The following TMEM178B variants were observed in gnomAD, a reference collection of about 807,000 sequenced individuals.
The protein encoded by TMEM178B is transmembrane protein 178B.
A neutral mutation model predicts 31.0 loss-of-function variants in TMEM178B; 5 were observed. That is an observed-to-expected ratio of 0.16 (90% confidence interval 0.08 to 0.34). TMEM178B has a LOEUF of 0.34. Ranked by LOEUF, TMEM178B falls within the 10% of genes least tolerant of loss-of-function variation. The pLI is 1.00. For synonymous variants in TMEM178B, 164 were observed against 164.0 expected (o/e 1.00, Z 0.00); for missense variants, 275 against 400.3 (o/e 0.69, Z 2.67).
At chr7:141,384,062 GTTGT>G (rs1304583225) in intron 2 of TMEM178B, among the ~76,000 whole-genome samples, 21 of 152,266 alleles carry the variant, frequency 1.4e-4, no homozygotes, top group African/African-American at 4.3e-4. Flanking sequence ...TTTTGATGGG[GTTGT>G]TTGTTTTTTT....
chr7:141,327,040 T>C (rs1408413053), intron 2 of TMEM178B, among the ~76,000 whole-genome samples: 1 of 152,228 alleles, frequency 6.6e-6, no homozygotes, highest in Non-Finnish European at 1.5e-5. Context: ...TTTCCATATG[T>C]CTCCCCGAGC....
intron 3 of TMEM178B, among the ~76,000 whole-genome samples, chr7:141,464,401 C>T (rs1802114839): frequency 1.3e-5 from 2 of 152,176 alleles, no homozygotes; most frequent in Admixed American, 1.3e-4. Context: ...CCTGATTTTA[C>T]AGATCGGGGA....
At chr7:141,146,481 A>G (rs1029647784) in intron 1 of TMEM178B, among the ~76,000 whole-genome samples, 4 of 152,168 alleles carry the variant, frequency 2.6e-5, no homozygotes, top group African/African-American at 9.7e-5. Context: ...GTGATGTTGG[A>G]TATATTACCT....
chr7:141,286,743 A>T (rs936963965), intron 2 of TMEM178B, among the ~76,000 whole-genome samples: 1 of 152,224 alleles, frequency 6.6e-6, no homozygotes, highest in Admixed American at 6.5e-5. Flanking sequence ...GAATGTGGAG[A>T]GTCCTCCAGA....
chr7:141,157,331 T>A (rs1796087691), intron 1 of TMEM178B, among the ~76,000 whole-genome samples: 1 of 151,744 alleles, frequency 6.6e-6, no homozygotes, highest in Non-Finnish European at 1.5e-5. Flanking sequence ...CATGCTGGAG[T>A]CCTAGGAGAG....
intron 2 of TMEM178B, among the ~76,000 whole-genome samples, chr7:141,215,682 A>G (rs1201538770): frequency 6.6e-6 from 1 of 151,962 alleles, no homozygotes; most frequent in Admixed American, 6.6e-5. Context: ...TTTTCCTACT[A>G]TATAGTTTTT....
chr7:141,184,219 A>G (rs1031008312), intron 1 of TMEM178B, among the ~76,000 whole-genome samples: 1 of 152,106 alleles, frequency 6.6e-6, no homozygotes, highest in African/African-American at 2.4e-5. Flanking sequence ...CTTGAACAAT[A>G]TTTTTCACAG....
chr7:141,201,002 C>A (rs577097177), intron 1 of TMEM178B, among the ~76,000 whole-genome samples: 1 of 152,060 alleles, frequency 6.6e-6, no homozygotes, highest in East Asian at 1.9e-4. Flanking sequence ...GAATCACGAT[C>A]CAAAATTTTT....
chr7:141,366,572 G>C lies in TMEM178B; in HGVS notation c.497-71036G>C, dbSNP rs186203304. ...GGCTTCTTTGCATTCTTGGCATTTC[G>C]ACCTCTTTGTCTTCCCAGCTGCCCT... On this transcript the variant is annotated intron_variant, in intron 2 of 3. Transcript: ENST00000565468. Among the ~76,000 whole-genome samples the C allele has an allele frequency of 4.6e-5, 7 of 152,194 alleles. No individual in the cohort carries two copies. In the East Asian group the frequency reaches 1.4e-3, roughly 29 times the overall value.
the TMEM178B span, among the ~76,000 whole-genome samples, chr7:141,509,558 C>T: frequency 6.6e-6 from 1 of 152,006 alleles, no homozygotes; most frequent in African/African-American, 2.4e-5. Context: ...GCTGAGGTAG[C>T]AGAATCGCAT....
intron 2 of TMEM178B, among the ~76,000 whole-genome samples, chr7:141,340,437 CT>C (rs1287182779): frequency 6.6e-6 from 1 of 152,106 alleles, no homozygotes; most frequent in Non-Finnish European, 1.5e-5. Flanking sequence ...ATCTATAAAT[CT>C]TGTTATTATA....
At chr7:141,411,931 C>T (rs1394828019) in intron 2 of TMEM178B, among the ~76,000 whole-genome samples, 10 of 152,074 alleles carry the variant, frequency 6.6e-5, no homozygotes, top group Admixed American at 4.6e-4. Flanking sequence ...TGCAAGGATG[C>T]GAGGGAATGA....
chr7:141,316,682 A>G (rs1300615279), intron 2 of TMEM178B, among the ~76,000 whole-genome samples: 1 of 152,198 alleles, frequency 6.6e-6, no homozygotes, highest in African/African-American at 2.4e-5. Context: ...CACAGGCACT[A>G]TTCCTGCTCC....
chr7:141,374,370 A>G (rs1177204475), intron 2 of TMEM178B, among the ~76,000 whole-genome samples: 1 of 152,172 alleles, frequency 6.6e-6, no homozygotes, highest in Non-Finnish European at 1.5e-5. Flanking sequence ...ATTTAGGCAC[A>G]CACACATGCA....
chr7:141,310,538 C>A (rs1165253221), intron 2 of TMEM178B, among the ~76,000 whole-genome samples: 2 of 152,164 alleles, frequency 1.3e-5, no homozygotes, highest in African/African-American at 4.8e-5. Context: ...TTAAGCCCTG[C>A]ATGCATTAGG....
At chr7:141,274,702 C>T (rs935637112) in intron 2 of TMEM178B, among the ~76,000 whole-genome samples, 1 of 152,284 alleles carries the variant, frequency 6.6e-6, no homozygotes, top group East Asian at 1.9e-4. Flanking sequence ...ACAGAGAATT[C>T]CAAAGTCCTG....
At chr7:141,139,230 T>C (rs1356095591) in intron 1 of TMEM178B, among the ~76,000 whole-genome samples, 1 of 152,266 alleles carries the variant, frequency 6.6e-6, no homozygotes, top group Non-Finnish European at 1.5e-5. Context: ...ACAATGAATA[T>C]GCAAAGATGA....
intron 2 of TMEM178B, among the ~76,000 whole-genome samples, chr7:141,428,384 A>G (rs1189316361): frequency 5.3e-5 from 6 of 113,210 alleles, no homozygotes; most frequent in East Asian, 3.1e-4. Flanking sequence ...AAAAAAAAAA[A>G]GAAAAAAAGA....
At position 141,141,764 on chromosome 7, in the gene TMEM178B, T is replaced by A. The variant is rs76637782; in HGVS notation, c.382+67072T>A. Among the ~76,000 whole-genome samples, 11 of 152,296 alleles carry A rather than the reference T, an allele frequency of 7.2e-5. No individual in the cohort carries two copies. In the East Asian group the frequency reaches 2.1e-3, roughly 29 times the overall value. On this transcript the variant is annotated intron_variant, in intron 1 of 3. Transcript: ENST00000565468. ...CCCAAGTTTAACATATGAGCCATGG[T>A]TTAAACTTTATGGGTTTCAGTGCAT...
Sources: gnomAD v4.1 joint callset for allele counts (sites outside exome capture counted in the v4.1 genomes callset) on GRCh38, gnomAD v4.1.1 for gene constraint, MANE v1.5 for transcripts, NCBI Gene and HGNC (gene_info 2026-07-23, HGNC 2026-07-21) for gene names.